Variants in GABRA5 observed in about 807,000 individuals in gnomAD.
The protein encoded by GABRA5 is gamma-aminobutyric acid receptor subunit alpha-5.
A neutral mutation model predicts 47.3 loss-of-function variants in GABRA5; 18 were observed. The ratio of observed to expected loss-of-function variants is 0.38; its 90% CI spans 0.26 to 0.56. GABRA5 has a LOEUF of 0.56. Ranked by LOEUF, GABRA5 falls within the 20% of genes least tolerant of loss-of-function variation. The pLI, the probability that GABRA5 is intolerant of heterozygous loss-of-function variation, is 0.71. For missense variants in GABRA5, 365 were observed against 599.3 expected (o/e 0.61, Z 4.08); for synonymous variants, 237 against 229.3 (o/e 1.03, Z -0.30).
chr15:26,947,883 T>C, intron 10 of GABRA5, 51 bp from the exon 11 acceptor site: 1 of 1,488,086 alleles, frequency 6.7e-7, no homozygotes, highest in Non-Finnish European at 9.1e-7. Context: ...CAAGGTGAGC[T>C]GACCATTGCC....
At chr15:26,920,683 A>G (rs1404820881) in intron 7 of GABRA5, among the ~76,000 whole-genome samples, 2 of 152,160 alleles carry the variant, frequency 1.3e-5, no homozygotes, top group Non-Finnish European at 2.9e-5. Context: ...TAAATAAAAC[A>G]TTCACCTCTC....
intron 6 of GABRA5, among the ~76,000 whole-genome samples, chr15:26,893,256 TTGTG>T (rs372029465): frequency 2.9e-4 from 42 of 143,120 alleles, no homozygotes; most frequent in African/African-American, 8.1e-4. Flanking sequence ...ATATGGTGTG[TTGTG>T]TGTGTATGGT....
chr15:26,930,116 G>A (rs561677921), intron 7 of GABRA5, among the ~76,000 whole-genome samples: 15 of 150,944 alleles, frequency 9.9e-5, no homozygotes, highest in Non-Finnish European at 2.1e-4. Flanking sequence ...GGGTTCAAGC[G>A]ATTCTCCTGC....
chr15:26,879,926 A>G (rs1892687279), intron 3 of GABRA5, among the ~76,000 whole-genome samples: 1 of 152,154 alleles, frequency 6.6e-6, no homozygotes, highest in African/African-American at 2.4e-5. Flanking sequence ...CTTGAAGCCA[A>G]ATTTGCAGTC....
chr15:26,914,093 T>C (rs1322691812), intron 6 of GABRA5, among the ~76,000 whole-genome samples: 1 of 152,208 alleles, frequency 6.6e-6, no homozygotes, highest in African/African-American at 2.4e-5. Context: ...CTTGTTACCA[T>C]CATTATTGTA....
chr15:26,932,620 T>A (rs1007030402), intron 7 of GABRA5, among the ~76,000 whole-genome samples: 2 of 152,132 alleles, frequency 1.3e-5, no homozygotes, highest in Non-Finnish European at 2.9e-5. Context: ...ACTGGGTATA[T>A]ACAAAGGAAT....
chr15:26,889,426 TAGCTAG>T (rs1435745228), intron 6 of GABRA5, among the ~76,000 whole-genome samples: 1 of 152,138 alleles, frequency 6.6e-6, no homozygotes, highest in Non-Finnish European at 1.5e-5. Context: ...TAATGCAGTA[TAGCTAG>T]CTGCAGTCTG....
intron 7 of GABRA5, among the ~76,000 whole-genome samples, chr15:26,928,377 A>G (rs950132559): frequency 6.6e-6 from 1 of 152,214 alleles, no homozygotes; most frequent in African/African-American, 2.4e-5. Flanking sequence ...GTAGAAACAT[A>G]CTGAAGTTTT....
At chr15:26,914,920 ATACT>A in intron 7 of GABRA5, 35 bp downstream of exon 7, 1 of 1,535,754 alleles carries the variant, frequency 6.5e-7, no homozygotes, top group Non-Finnish European at 9.0e-7. Flanking sequence ...CCTTGGACAT[ATACT>A]TTGGGGATCA....
Position 26,937,215 on chromosome 15 carries a change from T to C in GABRA5, c.611T>C (p.Val204Ala). The C allele has an allele frequency of 6.2e-7, 1 of 1,613,996 alleles. No individual in the cohort carries two copies. The highest frequency in any genetic ancestry group is 8.5e-7 in the Non-Finnish European group (1 of 1,179,890). ...YAYPNSEVVY[V>A]WTNGSTKSVV... is the part of the protein sequence containing the mutation. ...TACCCTAATTCTGAAGTCGTTTACG[T>C]CTGGACCAACGGCTCCACCAAGTCG... The change falls in exon 8 of 11, where the codon GTC becomes GCC. Residue 204 changes from valine (V) to alanine (A), a missense_variant. Coordinates refer to ENST00000335625, the MANE Select transcript of GABRA5 (RefSeq NM_000810.4).
chr15:26,894,426 C>T (rs1037159087), intron 6 of GABRA5, among the ~76,000 whole-genome samples: 4 of 152,164 alleles, frequency 2.6e-5, no homozygotes, highest in Admixed American at 1.3e-4. Flanking sequence ...GCGGGCAGCG[C>T]TCCCGGAACG....
intron 9 of GABRA5, among the ~76,000 whole-genome samples, chr15:26,942,086 A>G (rs1258089656): frequency 6.6e-6 from 1 of 152,158 alleles, no homozygotes; most frequent in Admixed American, 6.5e-5. Context: ...GTGAACTGCG[A>G]GAGTCCAGCA....
At chr15:26,894,541 G>A (rs1375879972) in intron 6 of GABRA5, among the ~76,000 whole-genome samples, 1 of 152,074 alleles carries the variant, frequency 6.6e-6, no homozygotes, top group African/African-American at 2.4e-5. Context: ...GCTTGTAAGA[G>A]CTGGTCCCAT....
intron 6 of GABRA5, among the ~76,000 whole-genome samples, chr15:26,912,777 A>G (rs1893629198): frequency 2.0e-5 from 3 of 152,258 alleles, no homozygotes; most frequent in Admixed American, 6.5e-5. Context: ...AAAAGAAAAT[A>G]TATGTACATG....
At chr15:26,910,139 C>G (rs1893545092) in intron 6 of GABRA5, among the ~76,000 whole-genome samples, 2 of 151,828 alleles carry the variant, frequency 1.3e-5, no homozygotes. Context: ...AAAGGTCACA[C>G]AATTAGTTAA....
At chr15:26,929,638 T>C (rs549032028) in intron 7 of GABRA5, among the ~76,000 whole-genome samples, 29 of 152,214 alleles carry the variant, frequency 1.9e-4, no homozygotes, top group Admixed American at 1.3e-4. Flanking sequence ...CCCTCTGCTC[T>C]GTTGAGCGCA....
At chr15:26,884,133 A>G (rs2140257385) in intron 6 of GABRA5, among the ~76,000 whole-genome samples, 1 of 152,192 alleles carries the variant, frequency 6.6e-6, no homozygotes, top group Admixed American at 6.5e-5. Flanking sequence ...AGGTTGCACT[A>G]AGCCATGATT....
chr15:26,896,859 G>A (rs1053813155), intron 6 of GABRA5, among the ~76,000 whole-genome samples: 1 of 151,830 alleles, frequency 6.6e-6, no homozygotes, highest in Non-Finnish European at 1.5e-5. Flanking sequence ...CCATTTCCTC[G>A]GGTGATTTAT....
At chr15:26,888,895 C>T (rs2140263659) in intron 6 of GABRA5, among the ~76,000 whole-genome samples, 1 of 152,276 alleles carries the variant, frequency 6.6e-6, no homozygotes, top group South Asian at 2.1e-4. Context: ...CTGCAACAGG[C>T]AAGGAGGGAG....
Sources: allele counts gnomAD v4.1 joint callset (sites outside exome capture counted in the v4.1 genomes callset), GRCh38; gene constraint gnomAD v4.1.1; transcripts MANE v1.5; gene names NCBI Gene and HGNC (gene_info 2026-07-23, HGNC 2026-07-21).